SORCS1: variants seen among roughly 807,000 people sequenced by gnomAD.
SORCS1 encodes the protein VPS10 domain-containing receptor SorCS1.
In SORCS1, 60 loss-of-function variants were observed where a neutral mutation model predicts 146.1. The ratio of observed to expected loss-of-function variants is 0.41; its 90% CI spans 0.33 to 0.51. The LOEUF (loss-of-function observed/expected upper bound fraction) is 0.51. Ranked by LOEUF, SORCS1 falls within the 20% of genes least tolerant of loss-of-function variation. The pLI, the probability that SORCS1 is intolerant of heterozygous loss-of-function variation, is 0.21. For missense variants in SORCS1, 1,352 were observed against 1,487.6 expected (o/e 0.91, Z 1.50); for synonymous variants, 637 against 584.0 (o/e 1.09, Z -1.31).
chr10:107,087,042 A>G (rs1172832260), intron 1 of SORCS1, among the ~76,000 whole-genome samples: 2 of 152,180 alleles, frequency 1.3e-5, no homozygotes, highest in Admixed American at 6.5e-5. Flanking sequence ...CAAACAAACA[A>G]ACAAAAACAA....
intron 1 of SORCS1, among the ~76,000 whole-genome samples, chr10:107,021,982 C>G (rs1287694228): frequency 6.6e-6 from 1 of 152,148 alleles, no homozygotes; most frequent in Non-Finnish European, 1.5e-5. Context: ...ATAGCTCTGC[C>G]AACTCCTACT....
intron 2 of SORCS1, among the ~76,000 whole-genome samples, chr10:106,916,490 C>CATATATAATTATGTACATAATTATGTATT (rs1159007200): frequency 1.5e-3 from 225 of 146,148 alleles, no homozygotes; most frequent in African/African-American, 4.1e-3. Flanking sequence ...ATATTATATA[C>CATATATAATTATGTACATAATTATGTATT]ATATATAATT....
Position 106,699,557 on chromosome 10 carries a change from T to C in SORCS1, c.1234-164A>G, listed in dbSNP as rs186762989. On this transcript the variant is annotated intron_variant, in intron 8 of 25. Coordinates refer to ENST00000263054, the MANE Select transcript of SORCS1 (RefSeq NM_052918.5). ...AGAAATAATAGTTAAGCATTAATCA[T>C]ATATTTCCTTTGTCACTTGTGGGGT... Among the ~76,000 whole-genome samples, 20 of 152,364 alleles carry C rather than the reference T, an allele frequency of 1.3e-4. No homozygotes were observed. The East Asian group carries it at 3.7e-3, about 28-fold the overall frequency.
At chr10:107,022,661 A>C (rs1169838405) in intron 1 of SORCS1, among the ~76,000 whole-genome samples, 1 of 152,222 alleles carries the variant, frequency 6.6e-6, no homozygotes, top group Non-Finnish European at 1.5e-5. Context: ...TCTGTAGTCA[A>C]GGTTAAACAC....
At chr10:106,699,457 C>T in intron 8 of SORCS1, 64 bp from the exon 9 acceptor site, 1 of 1,442,218 alleles carries the variant, frequency 6.9e-7, no homozygotes. Flanking sequence ...TGGCAGGCAT[C>T]CAAAGAGTGT....
At chr10:107,118,105 G>A (rs1966153945) in intron 1 of SORCS1, among the ~76,000 whole-genome samples, 1 of 152,154 alleles carries the variant, frequency 6.6e-6, no homozygotes, top group Non-Finnish European at 1.5e-5. Context: ...GGGGCCTACA[G>A]GAGGTGTATA....
intron 1 of SORCS1, among the ~76,000 whole-genome samples, chr10:107,038,367 C>G (rs1414361645): frequency 2.6e-5 from 3 of 114,848 alleles, no homozygotes; most frequent in African/African-American, 9.8e-5. Flanking sequence ...TATACGGGTC[C>G]TAAAATCAGA....
At chr10:106,979,185 A>G (rs1956155095) in intron 1 of SORCS1, among the ~76,000 whole-genome samples, 1 of 152,192 alleles carries the variant, frequency 6.6e-6, no homozygotes, top group African/African-American at 2.4e-5. Context: ...AAGAGAATGA[A>G]CAATATCTTT....
intron 1 of SORCS1, among the ~76,000 whole-genome samples, chr10:107,070,527 GC>G (rs1419191804): frequency 6.6e-6 from 1 of 152,182 alleles, no homozygotes; most frequent in Non-Finnish European, 1.5e-5. Context: ...TCCATTTAAA[GC>G]ATCTTTCCCT....
At chr10:106,773,968 A>G (rs1860232052) in intron 4 of SORCS1, among the ~76,000 whole-genome samples, 1 of 152,126 alleles carries the variant, frequency 6.6e-6, no homozygotes, top group South Asian at 2.1e-4. Context: ...AAGAATGAGA[A>G]CACTATCAAA....
intron 2 of SORCS1, among the ~76,000 whole-genome samples, chr10:106,887,969 T>A (rs1951066554): frequency 6.6e-6 from 1 of 152,166 alleles, no homozygotes; most frequent in Non-Finnish European, 1.5e-5. Flanking sequence ...CTTCCCTCTA[T>A]CATTGACTTA....
intron 2 of SORCS1, among the ~76,000 whole-genome samples, chr10:106,934,337 G>A (rs1232811156): frequency 2.0e-5 from 3 of 151,680 alleles, no homozygotes; most frequent in Admixed American, 1.3e-4. Context: ...AGATCACTGC[G>A]AGCTCGGTCT....
At chr10:106,911,894 C>A (rs532971391) in intron 2 of SORCS1, among the ~76,000 whole-genome samples, 7 of 152,168 alleles carry the variant, frequency 4.6e-5, no homozygotes, top group African/African-American at 1.7e-4. Context: ...GGGTGGATCA[C>A]GAGGTCAGGA....
At chr10:106,681,388 T>C (rs1852422810) in intron 10 of SORCS1, among the ~76,000 whole-genome samples, 1 of 152,218 alleles carries the variant, frequency 6.6e-6, no homozygotes, top group African/African-American at 2.4e-5. Context: ...TATATCTCTC[T>C]AAGAATACAC....
At chr10:106,600,791 A>C (rs1015816966) in intron 23 of SORCS1, 101 of 820,950 alleles carry the variant, frequency 1.2e-4, no homozygotes, top group Non-Finnish European at 1.5e-4. Flanking sequence ...GCTTTGTTTG[A>C]CTCCTAATCC....
chr10:107,083,033 T>A (rs1963453734), intron 1 of SORCS1, among the ~76,000 whole-genome samples: 1 of 141,642 alleles, frequency 7.1e-6, no homozygotes, highest in African/African-American at 2.7e-5. Flanking sequence ...GGTGTGAACC[T>A]GGGAGGCAGA....
At chr10:106,654,322 T>C (rs905024552) in intron 17 of SORCS1, among the ~76,000 whole-genome samples, 1 of 152,232 alleles carries the variant, frequency 6.6e-6, no homozygotes, top group Non-Finnish European at 1.5e-5. Context: ...TTGAGATTCA[T>C]AGGTGTCAAC....
chr10:106,720,560 C>CTT (rs11384430), intron 6 of SORCS1, among the ~76,000 whole-genome samples: 15 of 148,962 alleles, frequency 1.0e-4, no homozygotes, highest in East Asian at 9.9e-4. Flanking sequence ...GCCGATGCTA[C>CTT]TTTTTTTTTA....
chr10:106,776,396 T>C, intron 4 of SORCS1, 138 bp downstream of exon 4: 1 of 1,048,462 alleles, frequency 9.5e-7, no homozygotes, highest in Non-Finnish European at 1.4e-6. Flanking sequence ...TTGCTTTCCC[T>C]TGTCCCATTA....
Sources: gnomAD v4.1 joint callset for allele counts (sites outside exome capture counted in the v4.1 genomes callset) on GRCh38, gnomAD v4.1.1 for gene constraint, MANE v1.5 for transcripts, NCBI Gene and HGNC (gene_info 2026-07-23, HGNC 2026-07-21) for gene names.